Variants in BICD1 observed in about 807,000 individuals in gnomAD.
BICD1 encodes the protein BICD cargo adaptor 1.
In BICD1, 35 loss-of-function variants were observed where a neutral mutation model predicts 92.5. The ratio of observed to expected loss-of-function variants is 0.38; its 90% CI spans 0.29 to 0.50. The LOEUF is 0.50. Ranked by LOEUF, BICD1 falls within the 20% of genes least tolerant of loss-of-function variation. The pLI is 0.93. For missense variants in BICD1, 950 were observed against 1,189.8 expected, an observed-to-expected ratio of 0.80 and a Z score of 2.97; for synonymous variants, 429 against 465.1, an observed-to-expected ratio of 0.92 and a Z score of 1.00.
intron 5 of BICD1, among the ~76,000 whole-genome samples, chr12:32,329,795 T>A (rs932852382): frequency 4.6e-5 from 7 of 152,236 alleles, no homozygotes; most frequent in African/African-American, 1.7e-4. Flanking sequence ...CCTTAATGAC[T>A]GAAATTGTTT....
At chr12:32,159,205 T>G in intron 1 of BICD1, among the ~76,000 whole-genome samples, 1 of 152,100 alleles carries the variant, frequency 6.6e-6, no homozygotes, top group Non-Finnish European at 1.5e-5. Context: ...AAGTGCTGAT[T>G]TACAGGCGTG....
chr12:32,375,658 C>T (rs1345756219), intron 9 of BICD1, among the ~76,000 whole-genome samples: 2 of 152,102 alleles, frequency 1.3e-5, no homozygotes, highest in African/African-American at 2.4e-5. Flanking sequence ...TTGTCTTAAC[C>T]AGTACAGAAC....
Position 32,107,439 on chromosome 12 carries a change from G to A in BICD1, c.108G>A (p.Glu36=), listed in dbSNP as rs780682514. 2 of 1,611,992 alleles carry A rather than the reference G, an allele frequency of 1.2e-6. No individual in the cohort carries two copies. Among genetic ancestry groups the A allele is most frequent in the South Asian group, 1.1e-5 (1 of 90,292 alleles). The part of the protein sequence containing the change: ...ETTHEKIQAA[E]YGLVVLEEKL... ...CCCACGAGAAGATCCAGGCTGCCGA[G>A]TACGGGCTGGTGGTGCTGGAGGAGA... The change falls in exon 1 of 10, where the codon GAG becomes GAA. Residue 36 remains glutamate (E), a synonymous_variant. Coordinates refer to ENST00000652176, the MANE Select transcript of BICD1 (RefSeq NM_001714.4).
chr12:32,234,606 A>AAAAAAAAGAAAG (rs1555153204), intron 2 of BICD1, among the ~76,000 whole-genome samples: 37 of 146,732 alleles, frequency 2.5e-4, no homozygotes, highest in African/African-American at 9.0e-4. Context: ...CAAAAAAAAA[A>AAAAAAAAGAAAG]AAAGAAAGAA....
rs577285908 is a variant in BICD1 at position 32,147,065 on chromosome 12, C to G, written c.213+39521C>G. Among the ~76,000 whole-genome samples, 12 of 151,956 alleles carry G rather than the reference C, an allele frequency of 7.9e-5. 1 individual carries two copies. Among genetic ancestry groups the G allele is most frequent in the African/African-American group, 2.7e-4 (11 of 41,410 alleles). On this transcript the variant is annotated intron_variant, in intron 1 of 9. Coordinates refer to ENST00000652176, the MANE Select transcript of BICD1 (RefSeq NM_001714.4). ...AGGTGATCCTCTCACCTTAGCCTCC[C>G]GAGGAGCTAAGACCATAGGTGTGAG...
intron 2 of BICD1, among the ~76,000 whole-genome samples, chr12:32,241,858 A>G (rs1008328068): frequency 1.3e-5 from 2 of 151,914 alleles, no homozygotes; most frequent in African/African-American, 4.8e-5. Context: ...TTTCCAGGAA[A>G]TTTTATTGAA....
intron 6 of BICD1, among the ~76,000 whole-genome samples, chr12:32,336,996 C>T (rs1443055014): frequency 6.6e-6 from 1 of 152,190 alleles, no homozygotes; most frequent in Non-Finnish European, 1.5e-5. Context: ...GTAATCCCAG[C>T]ACTTTGAGAG....
At chr12:32,118,952 G>C (rs1284988798) in intron 1 of BICD1, among the ~76,000 whole-genome samples, 1 of 152,212 alleles carries the variant, frequency 6.6e-6, no homozygotes, top group African/African-American at 2.4e-5. Context: ...ACTGGGAAGA[G>C]AGTCAACGAA....
intron 1 of BICD1, among the ~76,000 whole-genome samples, chr12:32,129,294 C>T (rs1279968805): frequency 1.3e-5 from 2 of 151,244 alleles, no homozygotes; most frequent in East Asian, 4.0e-4. Context: ...GGAGTCCAGG[C>T]AGACGGATCA....
chr12:32,320,969 A>C (rs188617372), intron 4 of BICD1, among the ~76,000 whole-genome samples: 3 of 152,182 alleles, frequency 2.0e-5, no homozygotes, highest in Non-Finnish European at 2.9e-5. Context: ...AGTAACACTT[A>C]AAATGTATAG....
At chr12:32,276,351 TGA>T (rs1226020270) in intron 2 of BICD1, among the ~76,000 whole-genome samples, 1 of 152,188 alleles carries the variant, frequency 6.6e-6, no homozygotes, top group Non-Finnish European at 1.5e-5. Context: ...GAGAGGGGAC[TGA>T]GAGACAGGAC....
intron 2 of BICD1, among the ~76,000 whole-genome samples, chr12:32,278,835 G>A (rs891656174): frequency 2.6e-5 from 4 of 151,758 alleles, no homozygotes; most frequent in Non-Finnish European, 5.9e-5. Context: ...CAGCCTGGGC[G>A]ACAGAGCGAG....
intron 1 of BICD1, among the ~76,000 whole-genome samples, chr12:32,137,908 C>T (rs2121344718): frequency 6.6e-6 from 1 of 152,210 alleles, no homozygotes; most frequent in East Asian, 1.9e-4. Flanking sequence ...AGCGATTCTC[C>T]TGCCTCAGTC....
At chr12:32,121,383 A>C (rs1025107032) in intron 1 of BICD1, among the ~76,000 whole-genome samples, 1 of 151,146 alleles carries the variant, frequency 6.6e-6, no homozygotes, top group Admixed American at 6.6e-5. Flanking sequence ...ACTTGAGGTC[A>C]GGAGTTCAAG....
intron 2 of BICD1, among the ~76,000 whole-genome samples, chr12:32,218,803 T>C (rs1028446333): frequency 2.0e-5 from 3 of 152,236 alleles, no homozygotes; most frequent in Admixed American, 6.5e-5. Flanking sequence ...TTCTTTCTGA[T>C]GAGTGAGAGC....
At chr12:32,274,263 G>T (rs1947220786) in intron 2 of BICD1, among the ~76,000 whole-genome samples, 1 of 152,112 alleles carries the variant, frequency 6.6e-6, no homozygotes, top group African/African-American at 2.4e-5. Context: ...ACTTAAGACA[G>T]ATCAATACCT....
Position 32,327,423 on chromosome 12 carries a change from C to T in BICD1, c.1006-38C>T, listed in dbSNP as rs200246889. 56 of 1,566,376 alleles carry T rather than the reference C, an allele frequency of 3.6e-5. No homozygotes were observed. The South Asian group carries it at 6.2e-4, about 17-fold the overall frequency. ...TGGATTAAGTTCATCATTGGTGCTG[C>T]CTTGAGGTGATTCAGAAACTTTCTT... On this transcript the variant is annotated intron_variant, in intron 4 of 9. Coordinates refer to ENST00000652176, the MANE Select transcript of BICD1 (RefSeq NM_001714.4).
chr12:32,147,607 T>C (rs536875512), intron 1 of BICD1, among the ~76,000 whole-genome samples: 10 of 152,362 alleles, frequency 6.6e-5, no homozygotes, highest in African/African-American at 2.4e-4. Context: ...AGAGTTTTTA[T>C]GTTGATAATT....
chr12:32,300,458 G>T (rs1204880964), intron 3 of BICD1, among the ~76,000 whole-genome samples: 1 of 151,376 alleles, frequency 6.6e-6, no homozygotes, highest in Non-Finnish European at 1.5e-5. Flanking sequence ...AACAAAGATT[G>T]CAGCAAAACA....
Sources: gnomAD v4.1 joint callset for allele counts (sites outside exome capture counted in the v4.1 genomes callset) on GRCh38, gnomAD v4.1.1 for gene constraint, MANE v1.5 for transcripts, NCBI Gene and HGNC (gene_info 2026-07-23, HGNC 2026-07-21) for gene names.